Variants in HYAL4 observed in about 807,000 individuals in gnomAD.
HYAL4 encodes the protein hyaluronidase 4, also known as hyaluronidase-4.
Under a neutral mutation model 35.2 loss-of-function variants are expected in HYAL4, and 37 were observed. That is an observed-to-expected ratio of 1.05 (90% confidence interval 0.81 to 1.38). The LOEUF (loss-of-function observed/expected upper bound fraction) is 1.38. Ranked by LOEUF, HYAL4 falls within the 40% of genes most tolerant of loss-of-function variation. The pLI is 0.00. For synonymous variants in HYAL4, 198 were observed against 203.2 expected (o/e 0.97, Z 0.22); for missense variants, 572 against 572.4 (o/e 1.00, Z 0.01).
upstream of HYAL4, among the ~76,000 whole-genome samples, chr7:123,842,865 A>G (rs553693238): frequency 1.9e-4 from 29 of 151,742 alleles, no homozygotes; most frequent in South Asian, 6.3e-4. Flanking sequence ...ATCCTCCTCT[A>G]TCCCTTTATT....
chr7:123,859,062 A>G (rs1361290377), intron 2 of HYAL4, among the ~76,000 whole-genome samples: 1 of 152,194 alleles, frequency 6.6e-6, no homozygotes, highest in African/African-American at 2.4e-5. Context: ...AGTCTTCATC[A>G]AAAAGGTATG....
At chr7:123,801,146 C>G in the HYAL4 span, among the ~76,000 whole-genome samples, 1 of 152,076 alleles carries the variant, frequency 6.6e-6, no homozygotes, top group Admixed American at 6.5e-5. Context: ...GAAACCCTGT[C>G]TCTACTAAAA....
chr7:123,829,449 A>G (rs1243855221), intron 1 of HYAL4, among the ~76,000 whole-genome samples: 1 of 152,180 alleles, frequency 6.6e-6, no homozygotes, highest in African/African-American at 2.4e-5. Context: ...CCTCTCCCAA[A>G]ATATGTATTG....
chr7:123,861,391 A>T (rs140585217), intron 2 of HYAL4, among the ~76,000 whole-genome samples: 1 of 152,236 alleles, frequency 6.6e-6, no homozygotes, highest in Non-Finnish European at 1.5e-5. Context: ...ACTTAATGTT[A>T]TCTTAAGGAA....
At chr7:123,782,345 G>C in the HYAL4 span, among the ~76,000 whole-genome samples, 1 of 152,110 alleles carries the variant, frequency 6.6e-6, no homozygotes, top group Non-Finnish European at 1.5e-5. Flanking sequence ...CAGGAAAAGA[G>C]CTATAAGAAT....
At chr7:123,782,728 A>G in the HYAL4 span, among the ~76,000 whole-genome samples, 1 of 152,130 alleles carries the variant, frequency 6.6e-6, no homozygotes, top group Non-Finnish European at 1.5e-5. Flanking sequence ...AAGCTTGGGA[A>G]ATAAATCATA....
the HYAL4 span, among the ~76,000 whole-genome samples, chr7:123,820,751 G>A: frequency 2.6e-5 from 4 of 152,082 alleles, no homozygotes; most frequent in East Asian, 7.7e-4. Context: ...AGCATATCTC[G>A]GACTTATTTA....
intron 1 of HYAL4, among the ~76,000 whole-genome samples, chr7:123,834,302 C>T (rs1051385222): frequency 2.0e-5 from 3 of 152,066 alleles, no homozygotes; most frequent in Admixed American, 6.5e-5. Flanking sequence ...TCTTTCACCT[C>T]CTTAGTTAGA....
chr7:123,776,191 T>C, the HYAL4 span, among the ~76,000 whole-genome samples: 1 of 152,168 alleles, frequency 6.6e-6, no homozygotes, highest in African/African-American at 2.4e-5. Context: ...CATGACTGGG[T>C]GGCATTTGGG....
At chr7:123,782,934 G>C in the HYAL4 span, among the ~76,000 whole-genome samples, 1 of 151,714 alleles carries the variant, frequency 6.6e-6, no homozygotes, top group East Asian at 1.9e-4. Context: ...TCAATGCCAG[G>C]TTTTTAACTA....
chr7:123,811,845 T>G, the HYAL4 span, among the ~76,000 whole-genome samples: 1 of 152,062 alleles, frequency 6.6e-6, no homozygotes, highest in East Asian at 1.9e-4. Flanking sequence ...TTTGTTGTTG[T>G]TGTTGTTGTT....
the HYAL4 span, among the ~76,000 whole-genome samples, chr7:123,798,144 C>A: frequency 7.4e-4 from 113 of 152,120 alleles, no homozygotes; most frequent in Non-Finnish European, 1.5e-3. Context: ...CTCTGTAATG[C>A]AATAGGAATT....
upstream of HYAL4, among the ~76,000 whole-genome samples, chr7:123,826,312 AGAGAGTTG>A (rs1805802209): frequency 6.6e-6 from 1 of 152,088 alleles, no homozygotes; most frequent in Non-Finnish European, 1.5e-5. Context: ...GAGAAGATGC[AGAGAGTTG>A]GGGGAACAGG....
At chr7:123,861,082 C>CT (rs992492318) in intron 2 of HYAL4, among the ~76,000 whole-genome samples, 21 of 152,090 alleles carry the variant, frequency 1.4e-4, no homozygotes, top group African/African-American at 5.1e-4. Flanking sequence ...CTCTTGTACT[C>CT]TTAACATTGA....
At chr7:123,791,510 T>C in the HYAL4 span, among the ~76,000 whole-genome samples, 3 of 152,338 alleles carry the variant, frequency 2.0e-5, no homozygotes, top group East Asian at 3.9e-4. Flanking sequence ...CAGTGATTAA[T>C]TGGGGTTATC....
At chr7:123,836,941 T>G in intron 1 of HYAL4, among the ~76,000 whole-genome samples, 1 of 151,910 alleles carries the variant, frequency 6.6e-6, no homozygotes, top group African/African-American at 2.4e-5. Flanking sequence ...GACAGGAGAA[T>G]CGCTTGAATC....
chr7:123,835,957 A>G (rs1313448269), intron 1 of HYAL4, among the ~76,000 whole-genome samples: 1 of 151,940 alleles, frequency 6.6e-6, no homozygotes, highest in East Asian at 1.9e-4. Context: ...TATGATTTCA[A>G]TTTTCTTAAA....
intron 2 of HYAL4, among the ~76,000 whole-genome samples, chr7:123,851,474 C>T (rs200541814): frequency 4.6e-5 from 7 of 152,006 alleles, no homozygotes; most frequent in East Asian, 3.9e-4. Flanking sequence ...CTCCCACTTA[C>T]GAGTGAGAAC....
chr7:123,849,444 G>A (rs58531796), intron 2 of HYAL4, among the ~76,000 whole-genome samples: 21,140 of 151,644 alleles, frequency 0.14, 1,849 homozygotes, highest in African/African-American at 0.23. Context: ...GGGATTACAG[G>A]CACCCACCAC....
Sources: allele counts gnomAD v4.1 joint callset (sites outside exome capture counted in the v4.1 genomes callset), GRCh38; gene constraint gnomAD v4.1.1; transcripts MANE v1.5; gene names NCBI Gene and HGNC (gene_info 2026-07-23, HGNC 2026-07-21).